Variants in TNFSF4 observed in about 807,000 individuals in gnomAD.
The protein encoded by TNFSF4 is TNF superfamily member 4, also known as tumor necrosis factor ligand superfamily member 4.
In TNFSF4, 4 loss-of-function variants were observed where a neutral mutation model predicts 7.3. The ratio of observed to expected loss-of-function variants is 0.55; its 90% CI spans 0.27 to 1.25. The LOEUF is 1.25. TNFSF4 is among the 50% of genes most tolerant of loss of function. The probability of loss-of-function intolerance (pLI) is 0.12; values close to 1 mark genes in which losing one functional copy is unlikely to be tolerated. For missense variants in TNFSF4, 181 were observed against 208.8 expected (o/e 0.87, Z 0.82); for synonymous variants, 76 against 83.7 (o/e 0.91, Z 0.50).
chr1:173,298,578 C>T, the TNFSF4 span, among the ~76,000 whole-genome samples: 7 of 151,996 alleles, frequency 4.6e-5, no homozygotes, highest in South Asian at 8.3e-4. Flanking sequence ...CCACACTTCA[C>T]TCTGCACTAC....
chr1:173,447,441 C>T, the TNFSF4 span, among the ~76,000 whole-genome samples: 1 of 152,110 alleles, frequency 6.6e-6, no homozygotes, highest in Admixed American at 6.5e-5. Flanking sequence ...AAAGGTACCA[C>T]TCTGGTACCA....
At chr1:173,232,463 T>C in the TNFSF4 span, among the ~76,000 whole-genome samples, 1 of 151,502 alleles carries the variant, frequency 6.6e-6, no homozygotes, top group East Asian at 1.9e-4. Flanking sequence ...CCTTTATTTC[T>C]TTCTCCTGCC....
the TNFSF4 span, among the ~76,000 whole-genome samples, chr1:173,257,602 T>C: frequency 1.3e-5 from 2 of 152,242 alleles, no homozygotes; most frequent in African/African-American, 4.8e-5. Context: ...ATTTTTAAAG[T>C]TTTATTAAAG....
intron 1 of TNFSF4, among the ~76,000 whole-genome samples, chr1:173,196,768 T>C (rs547931953): frequency 6.6e-6 from 1 of 152,344 alleles, no homozygotes; most frequent in East Asian, 1.9e-4. Flanking sequence ...AAGATTTTCT[T>C]GTATCTTGGT....
chr1:173,352,786 C>T, the TNFSF4 span, among the ~76,000 whole-genome samples: 1 of 85,646 alleles, frequency 1.2e-5, no homozygotes, highest in African/African-American at 4.0e-5. Context: ...TCTAGCAAGC[C>T]TGGGGGTGCT....
chr1:173,374,562 T>C, the TNFSF4 span, among the ~76,000 whole-genome samples: 1 of 152,150 alleles, frequency 6.6e-6, no homozygotes, highest in Non-Finnish European at 1.5e-5. Context: ...GTGTCTCCTA[T>C]TTTGGAAGGA....
At chr1:173,380,587 C>A in the TNFSF4 span, among the ~76,000 whole-genome samples, 1 of 152,076 alleles carries the variant, frequency 6.6e-6, no homozygotes, top group Non-Finnish European at 1.5e-5. Flanking sequence ...AAACATACTA[C>A]CTGCATGACC....
At chr1:173,383,074 C>T in the TNFSF4 span, among the ~76,000 whole-genome samples, 1 of 152,152 alleles carries the variant, frequency 6.6e-6, no homozygotes, top group African/African-American at 2.4e-5. Context: ...CCCCAACATA[C>T]GTTGGGAGAT....
At chr1:173,422,249 A>C in the TNFSF4 span, among the ~76,000 whole-genome samples, 3 of 151,836 alleles carry the variant, frequency 2.0e-5, no homozygotes, top group African/African-American at 7.3e-5. Context: ...CTAGAGACCC[A>C]GAAATGGCTT....
chr1:173,281,416 C>A, the TNFSF4 span, among the ~76,000 whole-genome samples: 1 of 152,184 alleles, frequency 6.6e-6, no homozygotes, highest in South Asian at 2.1e-4. Flanking sequence ...TTAATATATT[C>A]TCCTCAAGAT....
At chr1:173,339,796 T>C in the TNFSF4 span, among the ~76,000 whole-genome samples, 314 of 152,296 alleles carry the variant, frequency 2.1e-3, no homozygotes, top group African/African-American at 6.2e-3. Context: ...GGGCAAAATA[T>C]GACTTTGTTT....
chr1:173,239,341 C>T, the TNFSF4 span, among the ~76,000 whole-genome samples: 1 of 152,088 alleles, frequency 6.6e-6, no homozygotes, highest in African/African-American at 2.4e-5. Context: ...GAAAAACTCC[C>T]TCTATATTTG....
At chr1:173,381,968 A>G in the TNFSF4 span, among the ~76,000 whole-genome samples, 3 of 152,230 alleles carry the variant, frequency 2.0e-5, no homozygotes, top group African/African-American at 7.2e-5. Context: ...GAAATGGACC[A>G]ATCAGCAGGA....
At chr1:173,349,720 T>C in the TNFSF4 span, among the ~76,000 whole-genome samples, 7 of 152,204 alleles carry the variant, frequency 4.6e-5, no homozygotes, top group Non-Finnish European at 1.0e-4. Flanking sequence ...GGGAGAAATA[T>C]TTATATTCCG....
the TNFSF4 span, among the ~76,000 whole-genome samples, chr1:173,373,515 A>G: frequency 5.9e-5 from 9 of 152,218 alleles, no homozygotes; most frequent in Admixed American, 6.5e-5. Flanking sequence ...CCAGTGGAAA[A>G]TACTTAAGAC....
chr1:173,317,218 A>G, the TNFSF4 span, among the ~76,000 whole-genome samples: 15,792 of 152,252 alleles, frequency 0.1, 1,199 homozygotes, highest in Non-Finnish European at 0.14. Flanking sequence ...TCCACCAAGG[A>G]GCCAGATACA....
the TNFSF4 span, among the ~76,000 whole-genome samples, chr1:173,269,899 A>G: frequency 6.6e-6 from 1 of 152,112 alleles, no homozygotes; most frequent in Non-Finnish European, 1.5e-5. Flanking sequence ...CTGAGAGCAC[A>G]TTGGAAGGGC....
At chr1:173,207,719 C>T (rs1466614568), upstream of TNFSF4, among the ~76,000 whole-genome samples, 1 of 152,170 alleles carries the variant, frequency 6.6e-6, no homozygotes, top group Admixed American at 6.5e-5. Context: ...ACCCCTCTCA[C>T]AGATTCAGAA....
the TNFSF4 span, among the ~76,000 whole-genome samples, chr1:173,450,653 A>G: frequency 6.6e-6 from 1 of 151,368 alleles, no homozygotes; most frequent in African/African-American, 2.4e-5. Context: ...TCACCACGTC[A>G]ACAGTCTAAA....
Sources: allele counts gnomAD v4.1 joint callset (sites outside exome capture counted in the v4.1 genomes callset), GRCh38; gene constraint gnomAD v4.1.1; transcripts MANE v1.5; gene names NCBI Gene and HGNC (gene_info 2026-07-23, HGNC 2026-07-21).